Variants in CAMSAP1 observed in about 807,000 individuals in gnomAD.
CAMSAP1 encodes calmodulin regulated spectrin associated protein 1.
A neutral mutation model predicts 143.5 loss-of-function variants in CAMSAP1; 58 were observed. That is an observed-to-expected ratio of 0.40 (90% confidence interval 0.33 to 0.50). The LOEUF (loss-of-function observed/expected upper bound fraction) is 0.50, where lower values mean the gene tolerates loss of function less well. Among genes scored for constraint, CAMSAP1 ranks in the 20% least tolerant of loss-of-function variants. The probability of loss-of-function intolerance (pLI) is 0.45; values close to 1 mark genes in which losing one functional copy is unlikely to be tolerated. For missense variants in CAMSAP1, 1,969 were observed against 2,115.7 expected (o/e 0.93, Z 1.36); for synonymous variants, 945 against 859.3 (o/e 1.10, Z -1.74).
chr9:135,870,032 G>A (rs1436229827), intron 3 of CAMSAP1, among the ~76,000 whole-genome samples: 1 of 152,174 alleles, frequency 6.6e-6, no homozygotes, highest in Non-Finnish European at 1.5e-5. Flanking sequence ...AGAGAATGAC[G>A]TCTGGCTGCT....
chr9:135,890,113 A>T (rs1838243042), intron 1 of CAMSAP1, among the ~76,000 whole-genome samples: 1 of 152,092 alleles, frequency 6.6e-6, no homozygotes, highest in Non-Finnish European at 1.5e-5. Context: ...CCCGTGGCAG[A>T]CACAGTAGGA....
chr9:135,868,718 G>A (rs973421894), intron 3 of CAMSAP1, among the ~76,000 whole-genome samples: 4 of 145,870 alleles, frequency 2.7e-5, no homozygotes, highest in African/African-American at 1.0e-4. Flanking sequence ...CCCATGTCTC[G>A]CCATTCTCCT....
intron 1 of CAMSAP1, among the ~76,000 whole-genome samples, chr9:135,898,574 G>T (rs939715031): frequency 1.3e-5 from 2 of 152,098 alleles, no homozygotes; most frequent in African/African-American, 4.8e-5. Flanking sequence ...AGGATTTTAA[G>T]ATACTTCATA....
rs1564423220 is a variant in CAMSAP1 at position 135,823,947 on chromosome 9, CA to C, written c.1400+2del. Reference sequence around the variant, plus strand: ...CAGAAACACTGCTGAAACACAGACTCACCTGGTTTTTTTTTCTGGCCAGGCT... The same window carrying C: ...CAGAAACACTGCTGAAACACAGACTCCCTGGTTTTTTTTTCTGGCCAGGCT... On this transcript the variant is annotated splice_donor_variant, in intron 10 of 16. Coordinates refer to ENST00000389532, the MANE Select transcript of CAMSAP1 (RefSeq NM_015447.4). LOFTEE classifies it high-confidence loss of function. 1 of 1,572,480 alleles carries C rather than the reference CA, an allele frequency of 6.4e-7. No individual in the cohort carries two copies. Among genetic ancestry groups the C allele is most frequent in the Admixed American group, 1.9e-5 (1 of 53,886 alleles).
At chr9:135,815,257 G>T in intron 15 of CAMSAP1, 42 bp from the exon 16 acceptor site, 2 of 1,342,556 alleles carry the variant, frequency 1.5e-6, no homozygotes, top group Non-Finnish European at 2.1e-6. Context: ...TTATTTTAAG[G>T]CACGAACACA....
intron 3 of CAMSAP1, among the ~76,000 whole-genome samples, chr9:135,880,241 C>G (rs1433160918): frequency 6.6e-6 from 1 of 152,140 alleles, no homozygotes; most frequent in South Asian, 2.1e-4. Flanking sequence ...TAGGCCTGAA[C>G]ACCATTTTCC....
In CAMSAP1 at chr9:135,821,618, C is replaced by T. The variant is rs1217967426; in HGVS notation, c.3043G>A (p.Val1015Ile). Residue 1015 changes from valine (V) to isoleucine (I), a missense_variant, in exon 11 of 17, where the codon GTC becomes ATC. Around this residue, in one of 4 missense-constraint regions of CAMSAP1, gnomAD observed 1,390 missense variants for 1,420.8 expected, o/e 0.98. Transcript: ENST00000389532. The surrounding 1 kb of genome is among the most constrained non-coding windows in gnomAD (Gnocchi z 4.6). Reference sequence around the variant, plus strand: ...GAAAGGTCACATTCATTCACGTCGACAACCTCCCCAACAGTGTCCTCCAGG... The same window carrying T: ...GAAAGGTCACATTCATTCACGTCGATAACCTCCCCAACAGTGTCCTCCAGG... ...ALLEDTVGEV[V>I]DVNECDLSIE... 1.9e-6 allele frequency: 3 copies of T among 1,614,034 alleles called. No individual in the cohort carries two copies. Among genetic ancestry groups the T allele is most frequent in the Middle Eastern group, 1.7e-4 (1 of 6,060 alleles).
rs943481216 is a variant in CAMSAP1, at chr9:135,824,360, C to G, written c.1316-326G>C. Among the ~76,000 whole-genome samples the G allele has an allele frequency of 6.6e-6, 1 of 152,208 alleles. No homozygotes were observed. The highest frequency in any genetic ancestry group is 1.5e-5 in the Non-Finnish European group (1 of 68,034). Reference sequence around the variant, plus strand: ...ACACAAGTTAAAATTTATTTGGCTACAGTCTTAACTAAAATCACTACATCA... The same window carrying G: ...ACACAAGTTAAAATTTATTTGGCTAGAGTCTTAACTAAAATCACTACATCA... On this transcript the variant is annotated intron_variant, in intron 9 of 16. Transcript: ENST00000389532. This position sits in a 1 kb window ranked among gnomAD's most constrained non-coding sequence, Gnocchi z 4.1.
rs1554789548 is a variant in CAMSAP1 at position 135,826,194 on chromosome 9, G to GCTTCTTGCGCGCA, written c.1223+1212_1223+1213insTGCGCGCAAGAAG. 8.8e-6 allele frequency: 1 copy of GCTTCTTGCGCGCA among 113,566 alleles called. No individual in the cohort carries two copies. The highest frequency in any genetic ancestry group is 1.9e-5 in the Non-Finnish European group (1 of 53,084). The allele number at this position is 113,566 out of a possible 1,614,324, so 7.0% of individuals were successfully genotyped here. A position where few individuals can be genotyped will look rare whatever the true frequency, so the allele number is the denominator to read the frequency against. ...CAGAGCAGCGTGTACACGGGCACCA[G>GCTTCTTGCGCGCA]CACACACACACACACACACACGGCT... On this transcript the variant is annotated intron_variant, in intron 8 of 16. Coordinates refer to ENST00000389532, the MANE Select transcript of CAMSAP1 (RefSeq NM_015447.4). This position sits in a 1 kb window ranked among gnomAD's most constrained non-coding sequence, Gnocchi z 4.4.
intron 4 of CAMSAP1, among the ~76,000 whole-genome samples, chr9:135,863,096 T>C (rs1332275171): frequency 6.6e-6 from 1 of 152,222 alleles, no homozygotes; most frequent in Admixed American, 6.5e-5. Context: ...ATATTTAGTT[T>C]GAGAAATTTC....
rs1451021852 is a variant in CAMSAP1, at chr9:135,808,742, G to A, written c.*2567C>T. 8 of 152,204 alleles carry A rather than the reference G, an allele frequency of 5.3e-5. No individual in the cohort carries two copies. Among genetic ancestry groups the A allele is most frequent in the South Asian group, 2.1e-4 (1 of 4,836 alleles). 9.4% of individuals were successfully genotyped at this position (152,204 alleles called of 1,614,324 possible). ...CGCACACAGCCATGTGCACGCACAC[G>A]TGTGGGTAGAACGTATCTGCACATA... On this transcript the variant is annotated 3_prime_UTR_variant, in exon 17 of 17. Coordinates refer to ENST00000389532, the MANE Select transcript of CAMSAP1 (RefSeq NM_015447.4).
chr9:135,905,171 G>A (rs373550257), intron 1 of CAMSAP1, among the ~76,000 whole-genome samples: 1 of 152,148 alleles, frequency 6.6e-6, no homozygotes, highest in East Asian at 1.9e-4. Flanking sequence ...ATCAGATTGT[G>A]AATTCATCAT....
chr9:135,880,835 C>G (rs577699573), intron 3 of CAMSAP1, among the ~76,000 whole-genome samples: 1 of 152,066 alleles, frequency 6.6e-6, no homozygotes, highest in African/African-American at 2.4e-5. Flanking sequence ...CCAAAGGCTC[C>G]GGTAAGGTAA....
At chr9:135,836,465 CCA>C (rs1836044619) in intron 7 of CAMSAP1, 2 of 984,528 alleles carry the variant, frequency 2.0e-6, no homozygotes, top group Non-Finnish European at 1.2e-6. Context: ...AGACACGTCA[CCA>C]CACACTTTCT....
intron 1 of CAMSAP1, among the ~76,000 whole-genome samples, chr9:135,894,168 A>G (rs1051635159): frequency 6.6e-6 from 1 of 152,018 alleles, no homozygotes; most frequent in Non-Finnish European, 1.5e-5. Flanking sequence ...TCAGCAAGAG[A>G]TCCCTCAGCC....
chr9:135,907,541 G>A lies in CAMSAP1; in HGVS notation c.-382C>T, dbSNP rs1334328082. ...GAGGCGGTGGCCAAGGAGCGGGAGC[G>A]CGCTCACCGCCGGGGCCTCGCACAG... On this transcript the variant is annotated 5_prime_UTR_variant, in exon 1 of 17. Coordinates refer to ENST00000389532, the MANE Select transcript of CAMSAP1 (RefSeq NM_015447.4). 6.7e-6 allele frequency among the ~76,000 whole-genome samples: 1 copy of A among 149,738 alleles called. No homozygotes were observed. The highest frequency in any genetic ancestry group is 6.6e-5 in the Admixed American group (1 of 15,060).
chr9:135,835,091 A>G (rs1835973796), intron 7 of CAMSAP1, among the ~76,000 whole-genome samples: 1 of 152,108 alleles, frequency 6.6e-6, no homozygotes, highest in African/African-American at 2.4e-5. Context: ...GGCTGAGGCA[A>G]AATGTGTCCA....
Position 135,850,415 on chromosome 9 carries a change from A to G in CAMSAP1, c.855T>C (p.Asn285=). 2 of 1,610,128 alleles carry G rather than the reference A, an allele frequency of 1.2e-6. No homozygotes were observed. Among genetic ancestry groups the G allele is most frequent in the Non-Finnish European group, 1.7e-6 (2 of 1,178,802 alleles). The change falls in exon 6 of 17, where the codon AAT becomes AAC. Residue 285 remains asparagine (N), a synonymous_variant. Coordinates refer to ENST00000389532, the MANE Select transcript of CAMSAP1 (RefSeq NM_015447.4). The stretch of plus-strand genomic sequence containing the variant: ...TGGAGAATTCTCTCAGAAGCCGAAT[A>G]TTATACAGACTGTCGGCCATCGACG... The part of the protein sequence containing the change: ...EVTSMADSLY[N]IRLLREFSNE...
At position 135,882,871 on chromosome 9, in the gene CAMSAP1, T is replaced by C; in HGVS notation, c.368A>G (p.Glu123Gly). 6.4e-7 allele frequency: 1 copy of C among 1,551,524 alleles called. No homozygotes were observed. Among genetic ancestry groups the C allele is most frequent in the Non-Finnish European group, 8.7e-7 (1 of 1,146,980 alleles). ...ALSRKGIYVM[E>G]SDDTPVTESD... ...CTCTGTCACGGGGGTGTCATCACTC[T>C]CCATCACATAGATCCCTTTCCGGGA... Residue 123 changes from glutamate to glycine, a missense_variant, in exon 2 of 17, where the codon GAG becomes GGG. Transcript: ENST00000389532. This position sits in a 1 kb window ranked among gnomAD's most constrained non-coding sequence, Gnocchi z 4.9.
Sources: allele counts gnomAD v4.1 joint callset (sites outside exome capture counted in the v4.1 genomes callset), GRCh38; gene constraint gnomAD v4.1.1; regional missense constraint gnomAD v4.1.1; non-coding constraint Gnocchi (gnomAD v3.1); transcripts MANE v1.5; gene names NCBI Gene and HGNC (gene_info 2026-07-23, HGNC 2026-07-21).